Variants in LYRM4 observed in about 807,000 individuals in gnomAD.
LYRM4 encodes LYR motif-containing protein 4.
Under a neutral mutation model 11.7 loss-of-function variants are expected in LYRM4, and 9 were observed. The observed-to-expected ratio is 0.77, with a 90% CI of 0.46 to 1.34. The LOEUF (loss-of-function observed/expected upper bound fraction) is 1.34. Ranked by LOEUF, LYRM4 falls within the 40% of genes most tolerant of loss-of-function variation. The pLI, the probability that LYRM4 is intolerant of heterozygous loss-of-function variation, is 0.00. For synonymous variants in LYRM4, 42 were observed against 40.4 expected (o/e 1.04, Z -0.15); for missense variants, 133 against 112.5 (o/e 1.18, Z -0.82).
intron 1 of LYRM4, among the ~76,000 whole-genome samples, chr6:5,235,831 G>A (rs938081549): frequency 1.3e-5 from 2 of 152,198 alleles, no homozygotes; most frequent in African/African-American, 2.4e-5. Flanking sequence ...GGTTTCATCA[G>A]AAGAAAATGT....
chr6:5,217,491 T>C (rs1762342369), intron 1 of LYRM4, among the ~76,000 whole-genome samples: 1 of 152,216 alleles, frequency 6.6e-6, no homozygotes, highest in Non-Finnish European at 1.5e-5. Flanking sequence ...GGCAAGCTTC[T>C]TAACACAAGG....
the LYRM4 span, among the ~76,000 whole-genome samples, chr6:5,038,299 A>G: frequency 1.7e-5 from 1 of 58,014 alleles, no homozygotes; most frequent in Non-Finnish European, 4.1e-5. Flanking sequence ...GCGGCCGGGC[A>G]GAGATGCTCC....
chr6:5,128,795 A>T (rs913330321), intron 2 of LYRM4, among the ~76,000 whole-genome samples: 4 of 152,122 alleles, frequency 2.6e-5, no homozygotes, highest in African/African-American at 9.7e-5. Context: ...GCTTTTATTT[A>T]CATTTTTTTG....
At chr6:5,122,145 C>T (rs1418586439) in intron 2 of LYRM4, among the ~76,000 whole-genome samples, 1 of 152,132 alleles carries the variant, frequency 6.6e-6, no homozygotes, top group Non-Finnish European at 1.5e-5. Flanking sequence ...CTCACCCATC[C>T]CCAGAAGACT....
At chr6:5,128,923 G>A (rs1331627466) in intron 2 of LYRM4, among the ~76,000 whole-genome samples, 1 of 152,250 alleles carries the variant, frequency 6.6e-6, no homozygotes, top group Non-Finnish European at 1.5e-5. Flanking sequence ...TTGGGCCTAT[G>A]CCCTTCAAAG....
At chr6:5,249,686 A>C (rs1420472501) in intron 1 of LYRM4, among the ~76,000 whole-genome samples, 1 of 152,168 alleles carries the variant, frequency 6.6e-6, no homozygotes, top group Non-Finnish European at 1.5e-5. Flanking sequence ...GCCTTAACTG[A>C]GCTGAACTTT....
At chr6:5,130,261 G>T (rs560429351) in intron 2 of LYRM4, among the ~76,000 whole-genome samples, 282 of 152,292 alleles carry the variant, frequency 1.9e-3, no homozygotes, top group African/African-American at 5.9e-3. Context: ...GCCAACGCTG[G>T]GATTCTGGGA....
At chr6:5,065,402 C>T in the LYRM4 span, among the ~76,000 whole-genome samples, 4 of 152,098 alleles carry the variant, frequency 2.6e-5, no homozygotes, top group Non-Finnish European at 2.9e-5. Context: ...CTTGACAATA[C>T]ATTTCAACAA....
the LYRM4 span, chr6:5,088,910 C>T: frequency 2.6e-5 from 4 of 152,158 alleles, no homozygotes; most frequent in East Asian, 1.9e-4. Context: ...ACATAGCACC[C>T]GTTTGAATTG....
chr6:5,036,306 T>G, the LYRM4 span, among the ~76,000 whole-genome samples: 7 of 152,208 alleles, frequency 4.6e-5, no homozygotes, highest in Admixed American at 4.6e-4. Context: ...AATTTACACG[T>G]GTGTTAATTA....
chr6:5,153,910 A>G (rs570060865), intron 2 of LYRM4, among the ~76,000 whole-genome samples: 2 of 152,328 alleles, frequency 1.3e-5, no homozygotes, highest in East Asian at 3.9e-4. Context: ...TAAAAATGCT[A>G]AATTGCAGCA....
intron 2 of LYRM4, among the ~76,000 whole-genome samples, chr6:5,147,322 G>T (rs1295346457): frequency 1.3e-5 from 2 of 152,164 alleles, no homozygotes; most frequent in Non-Finnish European, 2.9e-5. Context: ...AACGTGTGTA[G>T]TTATGGTCTA....
chr6:5,099,866 CCATCTACT>C (rs1479492230), downstream of LYRM4, among the ~76,000 whole-genome samples: 1 of 152,198 alleles, frequency 6.6e-6, no homozygotes, highest in Non-Finnish European at 1.5e-5. This position sits in a 1 kb window ranked among gnomAD's most constrained non-coding sequence, Gnocchi z 4.3. Context: ...CTGCTCTGAA[CCATCTACT>C]CATCAAACAA....
the LYRM4 span, among the ~76,000 whole-genome samples, chr6:5,076,012 A>G: frequency 3.3e-5 from 5 of 151,470 alleles, no homozygotes; most frequent in African/African-American, 7.3e-5. Flanking sequence ...TGGTGCGATC[A>G]TGGCTCACTG....
At chr6:5,078,451 G>A in the LYRM4 span, among the ~76,000 whole-genome samples, 1 of 152,012 alleles carries the variant, frequency 6.6e-6, no homozygotes, top group Admixed American at 6.6e-5. Flanking sequence ...CATCCCATAG[G>A]GCTGTATGAG....
At chr6:5,122,386 T>G (rs1448433563) in intron 2 of LYRM4, among the ~76,000 whole-genome samples, 2 of 151,952 alleles carry the variant, frequency 1.3e-5, no homozygotes, top group African/African-American at 4.8e-5. Flanking sequence ...AGAACCAGAG[T>G]CAAGGGTCCT....
chr6:5,041,431 A>T, the LYRM4 span, among the ~76,000 whole-genome samples: 3 of 152,256 alleles, frequency 2.0e-5, no homozygotes, highest in Admixed American at 2.0e-4. Flanking sequence ...TCTAAAGGCT[A>T]CTATGCCTGG....
the LYRM4 span, among the ~76,000 whole-genome samples, chr6:5,063,370 G>A: frequency 6.6e-6 from 1 of 151,910 alleles, no homozygotes; most frequent in Non-Finnish European, 1.5e-5. Flanking sequence ...GTCCCTGGAA[G>A]GCACGTTAGC....
chr6:5,186,712 A>G (rs1760415258), intron 2 of LYRM4: 2 of 991,794 alleles, frequency 2.0e-6, no homozygotes, highest in Non-Finnish European at 2.4e-6. Flanking sequence ...TGCCGGGCAC[A>G]GTGGTTCACA....
Sources: gnomAD v4.1 joint callset for allele counts (sites outside exome capture counted in the v4.1 genomes callset) on GRCh38, gnomAD v4.1.1 for gene constraint, Gnocchi (gnomAD v3.1) non-coding constraint, MANE v1.5 for transcripts, NCBI Gene and HGNC (gene_info 2026-07-23, HGNC 2026-07-21) for gene names.